Variants in NAALADL2 observed in about 807,000 individuals in gnomAD.
The protein encoded by NAALADL2 is inactive N-acetylated-alpha-linked acidic dipeptidase-like protein 2.
In NAALADL2, 76 loss-of-function variants were observed where a neutral mutation model predicts 87.2. That is an observed-to-expected ratio of 0.87 (90% CI 0.72 to 1.05). NAALADL2 has a LOEUF of 1.05. Ranked by LOEUF, NAALADL2 falls within the 50% of genes least tolerant of loss-of-function variation. NAALADL2 has a pLI of 0.00. For synonymous variants in NAALADL2, 354 were observed against 331.0 expected, an observed-to-expected ratio of 1.07 and a Z score of -0.75; for missense variants, 1,089 against 945.8, an observed-to-expected ratio of 1.15 and a Z score of -1.99.
At chr3:175,720,097 C>A (rs551647153) in intron 11 of NAALADL2, among the ~76,000 whole-genome samples, 1 of 152,108 alleles carries the variant, frequency 6.6e-6, no homozygotes, top group Non-Finnish European at 1.5e-5. Context: ...ATTTTTATTT[C>A]TTCGAAACAG....
At chr3:175,669,084 C>T (rs1733586865) in intron 11 of NAALADL2, among the ~76,000 whole-genome samples, 1 of 151,988 alleles carries the variant, frequency 6.6e-6, no homozygotes, top group Non-Finnish European at 1.5e-5. Context: ...CATTGATAGG[C>T]ATTAGTACCA....
intron 13 of NAALADL2, among the ~76,000 whole-genome samples, chr3:175,780,330 T>C (rs1750873808): frequency 1.3e-5 from 2 of 151,594 alleles, no homozygotes; most frequent in Admixed American, 1.3e-4. Flanking sequence ...ATGGGACTGA[T>C]TAAACACAAC....
At chr3:175,590,419 ATCT>A (rs1721263432) in intron 10 of NAALADL2, among the ~76,000 whole-genome samples, 1 of 151,836 alleles carries the variant, frequency 6.6e-6, no homozygotes, top group African/African-American at 2.4e-5. Flanking sequence ...AGATATTTAA[ATCT>A]TCTTCCAGAT....
chr3:175,493,084 T>C, intron 9 of NAALADL2, among the ~76,000 whole-genome samples: 2 of 152,216 alleles, frequency 1.3e-5, no homozygotes, highest in South Asian at 4.2e-4. Context: ...TAAATATGTA[T>C]GTATTTATAC....
At chr3:175,140,223 C>G (rs1729785075) in intron 2 of NAALADL2, among the ~76,000 whole-genome samples, 1 of 152,048 alleles carries the variant, frequency 6.6e-6, no homozygotes, top group African/African-American at 2.4e-5. Flanking sequence ...ATTCCATGTA[C>G]CTAAATCAGT....
rs553640030 is a variant in NAALADL2 at position 175,629,903 on chromosome 3, C to T, written c.1896+2517C>T. 8.6e-5 allele frequency among the ~76,000 whole-genome samples: 13 copies of T among 151,744 alleles called. 1 individual carries two copies. In the South Asian group the frequency reaches 2.3e-3, roughly 27 times the overall value. Reference sequence around the variant, plus strand: ...TTCACAGATATTGGAATATATTGTACGTGTGTTTTAAAATCTGTTTGATGA... The same window carrying T: ...TTCACAGATATTGGAATATATTGTATGTGTGTTTTAAAATCTGTTTGATGA... On this transcript the variant is annotated intron_variant, in intron 11 of 13. Coordinates refer to ENST00000454872, the MANE Select transcript of NAALADL2 (RefSeq NM_207015.3).
At position 175,774,349 on chromosome 3, in the gene NAALADL2, GA is replaced by G. The variant is rs571790017; in HGVS notation, c.2189+18933del. On this transcript the variant is annotated intron_variant, in intron 13 of 13. Coordinates refer to ENST00000454872, the MANE Select transcript of NAALADL2 (RefSeq NM_207015.3). ...ACAGCCAAAAATGTTTGACTTATAT[GA>G]ATGTTAAGAAATACATTGTTATTTC... is the stretch of plus-strand genomic sequence containing the variant. 6.4e-4 allele frequency among the ~76,000 whole-genome samples: 97 copies of G among 152,062 alleles called. 1 individual carries two copies. Among genetic ancestry groups the G allele is most frequent in the Non-Finnish European group, 1.1e-3 (74 of 67,912 alleles).
chr3:175,718,227 T>TTTTTTTTTGTGTTAAA, intron 11 of NAALADL2: 2 of 1,037,684 alleles, frequency 1.9e-6, no homozygotes, highest in South Asian at 1.5e-5. Context: ...TTTTTTTGAT[T>TTTTTTTTTGTGTTAAA]AGTTGCTGTA....
At chr3:174,817,021 C>T (rs1274951119) in intron 3 of NAALADL2, among the ~76,000 whole-genome samples, 2 of 152,176 alleles carry the variant, frequency 1.3e-5, no homozygotes, top group Non-Finnish European at 2.9e-5. Context: ...GGGTGTTCTA[C>T]AACAGGCAGG....
chr3:174,489,806 T>G (rs1718070069), intron 1 of NAALADL2, among the ~76,000 whole-genome samples: 1 of 152,096 alleles, frequency 6.6e-6, no homozygotes. Flanking sequence ...AAAAGTCAGA[T>G]AATATTGGTG....
chr3:175,212,336 T>TTA (rs1553814863), intron 2 of NAALADL2, among the ~76,000 whole-genome samples: 217 of 147,730 alleles, frequency 1.5e-3, no homozygotes, highest in African/African-American at 4.9e-3. Flanking sequence ...CATAGTAAGG[T>TTA]AAAAAAAAAA....
At chr3:175,105,634 TACACACAGACACACACACACAC>T (rs1336442531) in intron 2 of NAALADL2, among the ~76,000 whole-genome samples, 1 of 104,912 alleles carries the variant, frequency 9.5e-6, no homozygotes, top group Non-Finnish European at 1.9e-5. Flanking sequence ...TATTTGAGAA[TACACACAGACACACACACACAC>T]ACACACACAC....
At chr3:174,643,468 C>CCTTGTCCAGCCTTGGCTTGG (rs1723463980) in intron 2 of NAALADL2, among the ~76,000 whole-genome samples, 1 of 152,044 alleles carries the variant, frequency 6.6e-6, no homozygotes, top group Non-Finnish European at 1.5e-5. Context: ...CCTTGGCCAA[C>CCTTGTCCAGCCTTGGCTTGG]ACAATGAAAC....
chr3:174,871,805 A>G (rs1476351809), intron 1 of NAALADL2, among the ~76,000 whole-genome samples: 1 of 152,150 alleles, frequency 6.6e-6, no homozygotes, highest in Non-Finnish European at 1.5e-5. Context: ...AGGCTGAGAT[A>G]GGAGAATTGC....
intron 1 of NAALADL2, among the ~76,000 whole-genome samples, chr3:174,957,542 A>G (rs1227912622): frequency 2.0e-5 from 3 of 152,066 alleles, no homozygotes; most frequent in African/African-American, 7.2e-5. Flanking sequence ...TATCCCGGAT[A>G]GCTTCTAGAG....
intron 1 of NAALADL2, among the ~76,000 whole-genome samples, chr3:175,012,635 G>A (rs549785853): frequency 6.6e-6 from 1 of 151,766 alleles, no homozygotes; most frequent in Admixed American, 6.6e-5. Flanking sequence ...GCCAAATCTG[G>A]CCCACCACCT....
At chr3:175,247,262 G>A (rs1184505239) in intron 3 of NAALADL2, among the ~76,000 whole-genome samples, 1 of 81,956 alleles carries the variant, frequency 1.2e-5, no homozygotes, top group Non-Finnish European at 2.6e-5. Flanking sequence ...AGCAAATTAT[G>A]TGTGTACACA....
intron 5 of NAALADL2, among the ~76,000 whole-genome samples, chr3:175,423,225 T>C (rs1438906503): frequency 9.7e-6 from 1 of 103,000 alleles, no homozygotes; most frequent in Non-Finnish European, 2.2e-5. Flanking sequence ...TTTTTTTTTC[T>C]TTTTTTTTTT....
chr3:174,525,417 A>C (rs1720650240), intron 1 of NAALADL2, among the ~76,000 whole-genome samples: 1 of 151,984 alleles, frequency 6.6e-6, no homozygotes, highest in African/African-American at 2.4e-5. Flanking sequence ...GGCGAGAGCA[A>C]TAGCAAGAGC....
Sources: gnomAD v4.1 joint callset for allele counts (sites outside exome capture counted in the v4.1 genomes callset) on GRCh38, gnomAD v4.1.1 for gene constraint, MANE v1.5 for transcripts, NCBI Gene and HGNC (gene_info 2026-07-23, HGNC 2026-07-21) for gene names.